EFNA5: variants seen among roughly 807,000 people sequenced by gnomAD.
EFNA5 encodes the protein ephrin A5.
EFNA5 carries 5 observed loss-of-function variants against 22.9 expected under a neutral mutation model. The observed-to-expected ratio is 0.22, with a 90% CI of 0.11 to 0.46. The LOEUF is 0.46. Ranked by LOEUF, EFNA5 falls within the 20% of genes least tolerant of loss-of-function variation. The probability of loss-of-function intolerance (pLI) is 0.99; values close to 1 mark genes in which losing one functional copy is unlikely to be tolerated. For missense variants in EFNA5, 237 were observed against 293.3 expected (o/e 0.81, Z 1.40); for synonymous variants, 113 against 112.2 (o/e 1.01, Z -0.04).
At chr5:107,653,836 A>G (rs1365162598) in intron 1 of EFNA5, among the ~76,000 whole-genome samples, 1 of 152,158 alleles carries the variant, frequency 6.6e-6, no homozygotes, top group Admixed American at 6.6e-5. Context: ...ACCCATGTAT[A>G]TCTTGTGAGC....
At chr5:107,502,074 C>T (rs958393435) in intron 1 of EFNA5, among the ~76,000 whole-genome samples, 1 of 152,172 alleles carries the variant, frequency 6.6e-6, no homozygotes, top group Non-Finnish European at 1.5e-5. Context: ...ATTACACCAA[C>T]CTGCGGCTGT....
intron 1 of EFNA5, among the ~76,000 whole-genome samples, chr5:107,584,915 C>T (rs1216279492): frequency 6.6e-6 from 1 of 152,134 alleles, no homozygotes; most frequent in Non-Finnish European, 1.5e-5. Flanking sequence ...TGATGGTGGA[C>T]AAGGTAATCA....
intron 1 of EFNA5, among the ~76,000 whole-genome samples, chr5:107,503,368 T>C (rs1747179194): frequency 6.6e-6 from 1 of 152,228 alleles, no homozygotes; most frequent in Non-Finnish European, 1.5e-5. Flanking sequence ...TAGCAGTTTT[T>C]ATGTCCACTA....
chr5:107,628,504 T>C (rs538560084), intron 1 of EFNA5, among the ~76,000 whole-genome samples: 2 of 152,296 alleles, frequency 1.3e-5, no homozygotes, highest in South Asian at 2.1e-4. Flanking sequence ...ACTAAGTATA[T>C]AGAACATTGG....
intron 1 of EFNA5, among the ~76,000 whole-genome samples, chr5:107,640,983 GATAGATAGATAGA>G (rs1561457246): frequency 1.0e-4 from 14 of 136,664 alleles, no homozygotes; most frequent in Admixed American, 2.9e-4. Context: ...CAGGTAGATA[GATAGATAGATAGA>G]TAGATAGATA....
intron 1 of EFNA5, among the ~76,000 whole-genome samples, chr5:107,558,509 A>G (rs573614147): frequency 6.6e-6 from 1 of 152,332 alleles, no homozygotes; most frequent in Admixed American, 6.5e-5. Flanking sequence ...CAAAACTTCT[A>G]TGAGAGTCAA....
At chr5:107,559,162 T>G (rs564853856) in intron 1 of EFNA5, among the ~76,000 whole-genome samples, 1 of 152,246 alleles carries the variant, frequency 6.6e-6, no homozygotes, top group South Asian at 2.1e-4. Context: ...GCAACTTTCC[T>G]TCCCCCTACC....
chr5:107,381,712 A>G (rs1679295542), intron 4 of EFNA5, among the ~76,000 whole-genome samples: 1 of 152,108 alleles, frequency 6.6e-6, no homozygotes, highest in African/African-American at 2.4e-5. Context: ...GTACCTTTGA[A>G]ACCTAAGATG....
intron 1 of EFNA5, among the ~76,000 whole-genome samples, chr5:107,521,095 T>G (rs529283564): frequency 6.6e-6 from 1 of 152,272 alleles, no homozygotes; most frequent in South Asian, 2.1e-4. Context: ...TATTTCCTGA[T>G]AAACGAACTC....
At chr5:107,566,928 T>C (rs1748677317) in intron 1 of EFNA5, among the ~76,000 whole-genome samples, 1 of 152,242 alleles carries the variant, frequency 6.6e-6, no homozygotes, top group African/African-American at 2.4e-5. Flanking sequence ...GAAGGAACCA[T>C]GATAGCAAAA....
intron 1 of EFNA5, among the ~76,000 whole-genome samples, chr5:107,527,577 A>G (rs543278437): frequency 6.6e-6 from 1 of 151,204 alleles, no homozygotes; most frequent in South Asian, 2.1e-4. Flanking sequence ...GAGCCACTGC[A>G]CCCAGCCTAA....
At chr5:107,594,345 G>A (rs1218308563) in intron 1 of EFNA5, among the ~76,000 whole-genome samples, 1 of 152,110 alleles carries the variant, frequency 6.6e-6, no homozygotes, top group African/African-American at 2.4e-5. Context: ...TAAAAAGAAG[G>A]GCTGCTGGTG....
At chr5:107,411,128 C>T (rs1030444263) in intron 2 of EFNA5, among the ~76,000 whole-genome samples, 2 of 152,110 alleles carry the variant, frequency 1.3e-5, no homozygotes, top group African/African-American at 2.4e-5. Context: ...TAATACTGTA[C>T]AACACACTAG....
chr5:107,507,617 G>T (rs182974375), intron 1 of EFNA5, among the ~76,000 whole-genome samples: 2 of 151,818 alleles, frequency 1.3e-5, no homozygotes, highest in Middle Eastern at 3.2e-3. Context: ...AAGGAGGACC[G>T]CTTGAGCTCA....
chr5:107,591,554 G>T (rs368219731), intron 1 of EFNA5, among the ~76,000 whole-genome samples: 1 of 151,610 alleles, frequency 6.6e-6, no homozygotes, highest in Non-Finnish European at 1.5e-5. Flanking sequence ...CGGGTGCAGT[G>T]GCTCACACTG....
intron 4 of EFNA5, among the ~76,000 whole-genome samples, chr5:107,381,818 T>A (rs1326283437): frequency 6.6e-6 from 1 of 152,206 alleles, no homozygotes; most frequent in African/African-American, 2.4e-5. Flanking sequence ...CCATTTCCCT[T>A]CTTTTAGCTG....
intron 2 of EFNA5, among the ~76,000 whole-genome samples, chr5:107,404,908 T>C (rs961831184): frequency 6.6e-6 from 1 of 152,196 alleles, no homozygotes; most frequent in East Asian, 1.9e-4. Flanking sequence ...CGCAGAGACA[T>C]GCCCTATGCA....
At chr5:107,396,443 T>C (rs431982) in intron 2 of EFNA5, among the ~76,000 whole-genome samples, 123,659 of 152,182 alleles carry the variant, frequency 0.81, 50,634 homozygotes, top group African/African-American at 0.85. Flanking sequence ...TGTTTCACTA[T>C]TCTACAGATT....
chr5:107,514,272 G>C (rs1747432935), intron 1 of EFNA5, among the ~76,000 whole-genome samples: 2 of 152,174 alleles, frequency 1.3e-5, no homozygotes, highest in Admixed American at 1.3e-4. Flanking sequence ...GTCAGAATTT[G>C]AGACTAAATA....
Sources: allele counts gnomAD v4.1 joint callset (sites outside exome capture counted in the v4.1 genomes callset), GRCh38; gene constraint gnomAD v4.1.1; transcripts MANE v1.5; gene names NCBI Gene and HGNC (gene_info 2026-07-23, HGNC 2026-07-21).